Variants in GNAQ observed in about 807,000 individuals in gnomAD.
GNAQ encodes G protein subunit alpha q.
In GNAQ, 8 loss-of-function variants were observed where a neutral mutation model predicts 43.9. The ratio of observed to expected loss-of-function variants is 0.18; its 90% confidence interval spans 0.11 to 0.33. The LOEUF (loss-of-function observed/expected upper bound fraction) is 0.33, where lower values mean the gene tolerates loss of function less well. GNAQ is among the 10% of genes least tolerant of loss of function. The probability of loss-of-function intolerance (pLI) is 1.00; values close to 1 mark genes in which losing one functional copy is unlikely to be tolerated. For missense variants in GNAQ, 158 were observed against 450.8 expected (o/e 0.35, Z 5.88); for synonymous variants, 155 against 170.7 (o/e 0.91, Z 0.71).
At chr9:77,843,725 T>C (rs556150998) in intron 2 of GNAQ, among the ~76,000 whole-genome samples, 1 of 152,202 alleles carries the variant, frequency 6.6e-6, no homozygotes, top group Admixed American at 6.5e-5. Flanking sequence ...TTTGGAAATA[T>C]AATGAACACA....
intron 5 of GNAQ, among the ~76,000 whole-genome samples, chr9:77,760,982 T>C (rs1280822528): frequency 1.3e-5 from 2 of 150,466 alleles, no homozygotes; most frequent in Admixed American, 1.3e-4. Flanking sequence ...AACCGCCCCG[T>C]CTGAGAAGTG....
At chr9:77,895,490 C>T (rs1303612718) in intron 2 of GNAQ, among the ~76,000 whole-genome samples, 1 of 152,110 alleles carries the variant, frequency 6.6e-6, no homozygotes, top group African/African-American at 2.4e-5. Flanking sequence ...GAGGAAGCCT[C>T]AGAGCTGAGG....
chr9:77,824,520 G>A (rs1425587620), intron 2 of GNAQ, among the ~76,000 whole-genome samples: 1 of 152,132 alleles, frequency 6.6e-6, no homozygotes, highest in Non-Finnish European at 1.5e-5. Context: ...TGTGATTTAT[G>A]TGTGAGCCAT....
At chr9:77,836,799 C>A (rs762324132) in intron 2 of GNAQ, among the ~76,000 whole-genome samples, 2 of 152,008 alleles carry the variant, frequency 1.3e-5, no homozygotes, top group Non-Finnish European at 1.5e-5. Flanking sequence ...AGTATTAAAT[C>A]CTATATCTAT....
At chr9:77,862,065 C>T (rs949032078) in intron 2 of GNAQ, among the ~76,000 whole-genome samples, 16 of 151,436 alleles carry the variant, frequency 1.1e-4, no homozygotes, top group East Asian at 5.9e-4. Flanking sequence ...ACAGTTCTGC[C>T]GTTCTGCCCC....
chr9:77,973,341 T>C (rs1823261224), intron 1 of GNAQ, among the ~76,000 whole-genome samples: 3 of 152,190 alleles, frequency 2.0e-5, no homozygotes, highest in Admixed American at 2.0e-4. Context: ...GGCAGGGGCA[T>C]ATTTTTACAC....
chr9:78,016,131 A>C (rs1172549226), intron 1 of GNAQ, among the ~76,000 whole-genome samples: 2 of 152,192 alleles, frequency 1.3e-5, no homozygotes, highest in African/African-American at 4.8e-5. Flanking sequence ...TAAAACTACA[A>C]AACTCTTAGT....
At chr9:77,929,337 T>C (rs1255111112) in intron 1 of GNAQ, among the ~76,000 whole-genome samples, 1 of 152,158 alleles carries the variant, frequency 6.6e-6, no homozygotes, top group East Asian at 1.9e-4. Flanking sequence ...AGGGAGAAGG[T>C]AAGACTGGAA....
intron 1 of GNAQ, among the ~76,000 whole-genome samples, chr9:77,941,311 G>A (rs890757664): frequency 6.6e-6 from 1 of 151,516 alleles, no homozygotes; most frequent in Non-Finnish European, 1.5e-5. Context: ...GTGCAGTGGC[G>A]CAATCTTGGC....
At chr9:77,909,753 T>C (rs1828769487) in intron 2 of GNAQ, among the ~76,000 whole-genome samples, 1 of 151,676 alleles carries the variant, frequency 6.6e-6, no homozygotes, top group Non-Finnish European at 1.5e-5. Flanking sequence ...GGTATCTTCT[T>C]AACAAATTCA....
intron 1 of GNAQ, among the ~76,000 whole-genome samples, chr9:77,963,125 C>T (rs1027521592): frequency 4.6e-5 from 7 of 152,082 alleles, no homozygotes; most frequent in Admixed American, 1.3e-4. Flanking sequence ...TATAGTGAAA[C>T]TCACGTGGAA....
intron 1 of GNAQ, among the ~76,000 whole-genome samples, chr9:77,963,312 A>G (rs1380436934): frequency 3.3e-5 from 5 of 152,226 alleles, no homozygotes; most frequent in Admixed American, 3.3e-4. Flanking sequence ...ACTGACAATT[A>G]ACAGTAGAAA....
At chr9:77,992,111 A>G (rs1823515326) in intron 1 of GNAQ, among the ~76,000 whole-genome samples, 1 of 152,214 alleles carries the variant, frequency 6.6e-6, no homozygotes, top group East Asian at 1.9e-4. Context: ...ATCGAATGGT[A>G]GTTCTACTTT....
At chr9:77,923,791 GAAGA>G (rs1829030881) in intron 1 of GNAQ, among the ~76,000 whole-genome samples, 1 of 151,854 alleles carries the variant, frequency 6.6e-6, no homozygotes, top group Admixed American at 6.6e-5. Context: ...GGAAGGAAAA[GAAGA>G]GAGAGGGAAA....
intron 5 of GNAQ, among the ~76,000 whole-genome samples, chr9:77,785,078 A>G (rs1826455541): frequency 6.6e-6 from 1 of 152,222 alleles, no homozygotes; most frequent in Non-Finnish European, 1.5e-5. Context: ...CCCTAACCCC[A>G]GAACTTGTGA....
intron 2 of GNAQ, among the ~76,000 whole-genome samples, chr9:77,864,955 G>A (rs1564134335): frequency 6.6e-6 from 1 of 152,048 alleles, no homozygotes; most frequent in East Asian, 1.9e-4. Flanking sequence ...GCCCTTGTTG[G>A]AATTTGGAAT....
At chr9:77,784,943 T>A (rs1045059923) in intron 5 of GNAQ, among the ~76,000 whole-genome samples, 9 of 152,230 alleles carry the variant, frequency 5.9e-5, no homozygotes, top group African/African-American at 2.2e-4. Context: ...TGATCTACGC[T>A]GTCTAAGGTA....
chr9:77,750,556 T>C (rs1189702996), intron 5 of GNAQ, among the ~76,000 whole-genome samples: 2 of 152,214 alleles, frequency 1.3e-5, no homozygotes, highest in African/African-American at 2.4e-5. Context: ...ATAACCTCCA[T>C]TCCAGCCAAA....
At chr9:77,817,876 C>A (rs541989614) in intron 2 of GNAQ, among the ~76,000 whole-genome samples, 6 of 151,936 alleles carry the variant, frequency 3.9e-5, no homozygotes, top group East Asian at 1.9e-4. Context: ...ATTTAGCTGG[C>A]GGGTGAAGAT....
Sources: gnomAD v4.1 joint callset for allele counts (sites outside exome capture counted in the v4.1 genomes callset) on GRCh38, gnomAD v4.1.1 for gene constraint, MANE v1.5 for transcripts, NCBI Gene and HGNC (gene_info 2026-07-23, HGNC 2026-07-21) for gene names.